The following CD163L1 variants were observed in gnomAD, a reference collection of about 807,000 sequenced individuals.
CD163L1 encodes the protein CD163 molecule like 1, also known as scavenger receptor cysteine-rich type 1 protein M160.
In CD163L1, 124 loss-of-function variants were observed where a neutral mutation model predicts 165.4. That is an observed-to-expected ratio of 0.75 (90% CI 0.65 to 0.87). The LOEUF (loss-of-function observed/expected upper bound fraction) is 0.87, where lower values mean the gene tolerates loss of function less well. CD163L1 is among the 40% of genes least tolerant of loss of function. The pLI, the probability that CD163L1 is intolerant of heterozygous loss-of-function variation, is 0.00. For missense variants in CD163L1, 1,525 were observed against 1,799.9 expected (o/e 0.85, Z 2.76); for synonymous variants, 585 against 662.2 (o/e 0.88, Z 1.79).
Position 7,398,694 on chromosome 12 carries a change from T to A in CD163L1, c.1409-110A>T. ...ATAAGGCTTTGCCTAACAGGTGATA[T>A]ATTAGGCACACTTTTGAATGAAAAG... On this transcript the variant is annotated intron_variant, in intron 6 of 19. Transcript: ENST00000313599. This position sits in a 1 kb window ranked among gnomAD's most constrained non-coding sequence, Gnocchi z 4.5. 1 of 834,202 alleles carries A rather than the reference T, an allele frequency of 1.2e-6. No homozygotes were observed. Among genetic ancestry groups the A allele is most frequent in the Non-Finnish European group, 1.7e-6 (1 of 579,556 alleles). The allele number at this position is 834,202 out of a possible 1,614,324, so 51.7% of individuals were successfully genotyped here.
intron 4 of CD163L1, among the ~76,000 whole-genome samples, chr12:7,349,256 T>A (rs1946692043): frequency 1.3e-5 from 2 of 152,198 alleles, no homozygotes; most frequent in South Asian, 4.1e-4. Flanking sequence ...TATCCTAGGT[T>A]GTCTGTTAAA....
the CD163L1 span, chr12:7,323,294 A>G: frequency 6.2e-7 from 1 of 1,611,074 alleles, no homozygotes; most frequent in East Asian, 2.2e-5. Flanking sequence ...GGGGAAAGGA[A>G]TGCTGCCCTA....
intron 9 of CD163L1, 29 bp downstream of exon 9, chr12:7,378,948 TA>T (rs1194372852): frequency 1.3e-6 from 2 of 1,561,738 alleles, no homozygotes; most frequent in African/African-American, 1.4e-5. Context: ...AATAATTAAA[TA>T]AATGTGTTTA....
chr12:7,368,425 T>C lies in CD163L1; in HGVS notation c.4073-228A>G, dbSNP rs1305443566. Among the ~76,000 whole-genome samples the C allele has an allele frequency of 6.6e-6, 1 of 152,198 alleles. No homozygotes were observed. Among genetic ancestry groups the C allele is most frequent in the Non-Finnish European group, 1.5e-5 (1 of 68,028 alleles). ...TTCTATTGCCCTAAATTACTTCCAA[T>C]TTTATACAAGAGATTTGATAACTAA... On this transcript the variant is annotated intron_variant, in intron 16 of 19. Coordinates refer to ENST00000313599, the MANE Select transcript of CD163L1 (RefSeq NM_174941.6). This position sits in a 1 kb window ranked among gnomAD's most constrained non-coding sequence, Gnocchi z 4.3.
At chr12:7,350,609 A>T (rs1946700485), downstream of CD163L1, among the ~76,000 whole-genome samples, 1 of 152,166 alleles carries the variant, frequency 6.6e-6, no homozygotes, top group Admixed American at 6.5e-5. Context: ...AGTAATACAT[A>T]CTTAGGTGTG....
chr12:7,367,055 T>C (rs1947036599), intron 18 of CD163L1, among the ~76,000 whole-genome samples, 181 bp downstream of exon 18: 1 of 152,200 alleles, frequency 6.6e-6, no homozygotes, highest in African/African-American at 2.4e-5. Context: ...AGAATGTATA[T>C]TCCAGTTTTC....
chr12:7,346,383 C>T (rs1946670277), downstream of CD163L1, among the ~76,000 whole-genome samples: 1 of 151,890 alleles, frequency 6.6e-6, no homozygotes, highest in Non-Finnish European at 1.5e-5. Context: ...ATTTTTCCTA[C>T]TTTCTTTATC....
intron 4 of CD163L1, among the ~76,000 whole-genome samples, chr12:7,411,527 T>G (rs1485967878): frequency 1.3e-5 from 2 of 152,152 alleles, no homozygotes; most frequent in African/African-American, 4.8e-5. Flanking sequence ...ACCTGGCACC[T>G]GGCACCTCCC....
intron 4 of CD163L1, among the ~76,000 whole-genome samples, chr12:7,415,036 C>A (rs1948209825): frequency 6.6e-6 from 1 of 151,960 alleles, no homozygotes; most frequent in African/African-American, 2.4e-5. Flanking sequence ...AAAAAATAGC[C>A]AAATTCAGAA....
chr12:7,397,041 T>A (rs1358003106), intron 7 of CD163L1, among the ~76,000 whole-genome samples: 1 of 152,170 alleles, frequency 6.6e-6, no homozygotes, highest in African/African-American at 2.4e-5. Context: ...CTGATAAAAA[T>A]TTAATGACAC....
At position 7,406,551 on chromosome 12, in the gene CD163L1, A is replaced by G. The variant is rs1328527197; in HGVS notation, c.1068T>C (p.Asp356=). 1 of 1,614,082 alleles carries G rather than the reference A, an allele frequency of 6.2e-7. No homozygotes were observed. The highest frequency in any genetic ancestry group is 2.2e-5 in the East Asian group (1 of 44,878). ...TCTTACCTGAGCAGATCACAGACACATCGTTTTGATGAAGACAGTCAAAAT... is the reference window on the plus strand; with the variant it reads ...TCTTACCTGAGCAGATCACAGACACGTCGTTTTGATGAAGACAGTCAAAAT... The part of the protein sequence containing the change: ...TVNFDCLHQN[D]VSVICSDGAD... Residue 356 remains aspartate (D), a synonymous_variant, in exon 5 of 20, where the codon GAT becomes GAC. Transcript: ENST00000313599.
At chr12:7,434,633 C>T (rs754662615) in intron 2 of CD163L1, among the ~76,000 whole-genome samples, 20 of 146,648 alleles carry the variant, frequency 1.4e-4, no homozygotes, top group African/African-American at 5.0e-4. Flanking sequence ...GCCAAAGGGA[C>T]AAAGAGAAGC....
Position 7,375,744 on chromosome 12 carries a change from T to G in CD163L1, c.2642A>C (p.Glu881Ala), listed in dbSNP as rs746207364. 8 of 1,614,236 alleles carry G rather than the reference T, an allele frequency of 5.0e-6. No homozygotes were observed. In the South Asian group the frequency reaches 5.5e-5, roughly 11 times the overall value. Residue 881 changes from glutamate (E) to alanine (A), a missense_variant, in exon 10 of 20, where the codon GAA (glutamate) becomes GCA (alanine). By Grantham distance (107) the Glu-to-Ala change is moderately radical (BLOSUM62 -1). Coordinates refer to ENST00000313599, the MANE Select transcript of CD163L1 (RefSeq NM_174941.6). ...LALCPIVQHP[E>A]DTCIHSREVG... ...TTCTCTGCTGTGGATACAAGTGTCTTCCGGATGTTGAACAATGGGGCATAA... is the reference window on the plus strand; with the variant it reads ...TTCTCTGCTGTGGATACAAGTGTCTGCCGGATGTTGAACAATGGGGCATAA...
intron 4 of CD163L1, among the ~76,000 whole-genome samples, chr12:7,428,701 C>T (rs1948583562): frequency 6.6e-6 from 1 of 152,076 alleles, no homozygotes; most frequent in African/African-American, 2.4e-5. Context: ...CCATGCTCAT[C>T]ATTACTACTT....
chr12:7,340,295 T>C, the CD163L1 span, among the ~76,000 whole-genome samples: 1 of 152,298 alleles, frequency 6.6e-6, no homozygotes, highest in East Asian at 1.9e-4. Context: ...TATTTGGATT[T>C]GGGAACATTT....
At chr12:7,436,237 T>C (rs1555204341) in intron 2 of CD163L1, among the ~76,000 whole-genome samples, 1 of 152,204 alleles carries the variant, frequency 6.6e-6, no homozygotes, top group Non-Finnish European at 1.5e-5. Flanking sequence ...ATATATGTTA[T>C]AAAATGGCCA....
At chr12:7,365,463 C>T (rs1169450317) in intron 18 of CD163L1, among the ~76,000 whole-genome samples, 1 of 151,998 alleles carries the variant, frequency 6.6e-6, no homozygotes, top group Non-Finnish European at 1.5e-5. Context: ...AAACAATCAA[C>T]AAAGTGAAGA....
At chr12:7,355,239 A>G (rs1946750443) in intron 19 of CD163L1, 109 bp from the exon 20 acceptor site, 1 of 152,184 alleles carries the variant, frequency 6.6e-6, no homozygotes, top group Non-Finnish European at 1.5e-5. Flanking sequence ...ACAAACACAC[A>G]CACAACCCAC....
intron 1 of CD163L1, among the ~76,000 whole-genome samples, chr12:7,443,574 A>G (rs1055980946): frequency 2.0e-5 from 3 of 152,196 alleles, no homozygotes; most frequent in Non-Finnish European, 4.4e-5. Context: ...ATTAAAATTT[A>G]TAGCAGAAAG....
Sources: allele counts gnomAD v4.1 joint callset (sites outside exome capture counted in the v4.1 genomes callset), GRCh38; gene constraint gnomAD v4.1.1; non-coding constraint Gnocchi (gnomAD v3.1); transcripts MANE v1.5; gene names NCBI Gene and HGNC (gene_info 2026-07-23, HGNC 2026-07-21).